The following PSME3IP1 variants were observed in gnomAD, a reference collection of about 807,000 sequenced individuals.
The protein encoded by PSME3IP1 is PSME3-interacting protein.
In PSME3IP1, 13 loss-of-function variants were observed where a neutral mutation model predicts 34.1. The observed-to-expected ratio is 0.38, with a 90% confidence interval of 0.25 to 0.61. The LOEUF (loss-of-function observed/expected upper bound fraction) is 0.61. PSME3IP1 is among the 20% of genes least tolerant of loss of function. The pLI, the probability that PSME3IP1 is intolerant of heterozygous loss-of-function variation, is 0.60. For missense variants in PSME3IP1, 237 were observed against 301.4 expected (o/e 0.79, Z 1.58); for synonymous variants, 93 against 114.3 (o/e 0.81, Z 1.19).
At chr16:57,163,255 T>A (rs866575264) in intron 6 of PSME3IP1, among the ~76,000 whole-genome samples, 1 of 151,994 alleles carries the variant, frequency 6.6e-6, no homozygotes, top group African/African-American at 2.4e-5. Flanking sequence ...CCTTTTTTTT[T>A]CCCCCAGACT....
At chr16:57,175,248 C>T (rs1410093125) in intron 1 of PSME3IP1, among the ~76,000 whole-genome samples, 1 of 152,120 alleles carries the variant, frequency 6.6e-6, no homozygotes, top group Non-Finnish European at 1.5e-5. Context: ...CTCCTGAACT[C>T]GTGATCTGCC....
chr16:57,155,049 G>A (rs554662228), intron 6 of PSME3IP1, among the ~76,000 whole-genome samples: 18 of 152,124 alleles, frequency 1.2e-4, no homozygotes, highest in Non-Finnish European at 2.1e-4. Flanking sequence ...TTAAAAAATC[G>A]GGTAGCCCCC....
Position 57,173,726 on chromosome 16 carries a change from A to G in PSME3IP1, c.127+2T>C. On this transcript the variant is annotated splice_donor_variant, in intron 2 of 6. Coordinates refer to ENST00000309137, the MANE Select transcript of PSME3IP1 (RefSeq NM_024946.4). LOFTEE classifies it high-confidence loss of function. ...ACCATTATACTGACTGTCACAGTAT[A>G]CCTTCTGGATCTTCAGGTTTTCGAA... 1 of 1,613,718 alleles carries G rather than the reference A, an allele frequency of 6.2e-7. No homozygotes were observed. The highest frequency in any genetic ancestry group is 8.5e-7 in the Non-Finnish European group (1 of 1,179,980).
chr16:57,155,345 G>A (rs1189939631), intron 6 of PSME3IP1, among the ~76,000 whole-genome samples: 1 of 152,222 alleles, frequency 6.6e-6, no homozygotes, highest in Non-Finnish European at 1.5e-5. Flanking sequence ...GGGCTTGGCT[G>A]GGCATGGTGG....
intron 1 of PSME3IP1, chr16:57,181,897 T>G (rs1308900752): frequency 6.6e-6 from 1 of 152,290 alleles, no homozygotes; most frequent in African/African-American, 2.4e-5. Flanking sequence ...GAACCTCTCA[T>G]GTCCACCTAT....
At chr16:57,162,177 T>C (rs1384181480) in intron 6 of PSME3IP1, among the ~76,000 whole-genome samples, 1 of 152,180 alleles carries the variant, frequency 6.6e-6, no homozygotes, top group African/African-American at 2.4e-5. Context: ...GTTGGGATTA[T>C]AGGCATGAGC....
intron 3 of PSME3IP1, 152 bp from the exon 4 acceptor site, chr16:57,172,524 T>TAA: frequency 2.3e-6 from 2 of 867,140 alleles, no homozygotes; most frequent in Non-Finnish European, 3.4e-6. Flanking sequence ...TAACAGGGCA[T>TAA]AAAAAAAAAC....
rs964585496 is a variant in PSME3IP1, at chr16:57,153,050, G to A, written c.*1240C>T. 4.5e-4 allele frequency: 69 copies of A among 152,672 alleles called. No individual in the cohort carries two copies. Among genetic ancestry groups the A allele is most frequent in the African/African-American group, 1.5e-3 (63 of 41,462 alleles). The allele number at this position is 152,672 out of a possible 1,614,324, so 9.5% of individuals were successfully genotyped here. ...TAAAAACAATTGATGTAGGAATAAG[G>A]GGAATGGATAAAGAATGGTACATGC... On this transcript the variant is annotated 3_prime_UTR_variant, in exon 7 of 7. Transcript: ENST00000309137.
At chr16:57,178,001 A>C (rs1357337079) in intron 1 of PSME3IP1, among the ~76,000 whole-genome samples, 2 of 152,216 alleles carry the variant, frequency 1.3e-5, no homozygotes, top group Admixed American at 1.3e-4. Flanking sequence ...TAAATAAATT[A>C]ATTAATTAGT....
Position 57,153,118 on chromosome 16 carries a change from ATG to A in PSME3IP1, c.*1170_*1171del, listed in dbSNP as rs1405142645. 6.5e-6 allele frequency: 1 copy of A among 152,672 alleles called. No homozygotes were observed. The highest frequency in any genetic ancestry group is 2.4e-5 in the African/African-American group (1 of 41,458). 9.5% of individuals were successfully genotyped at this position (152,672 alleles called of 1,614,324 possible). A position where few individuals can be genotyped will look rare whatever the true frequency, so the allele number is the denominator to read the frequency against. ...AGCCTACAGATTGTTGTCAAAGCTCATGTCTATCTCTGTCCTCGAGGCCTCCA... is the reference window on the plus strand; with the variant it reads ...AGCCTACAGATTGTTGTCAAAGCTCATCTATCTCTGTCCTCGAGGCCTCCA... On this transcript the variant is annotated 3_prime_UTR_variant, in exon 7 of 7. Coordinates refer to ENST00000309137, the MANE Select transcript of PSME3IP1 (RefSeq NM_024946.4).
chr16:57,185,646 G>T, intron 1 of PSME3IP1, 175 bp downstream of exon 1: 1 of 985,540 alleles, frequency 1.0e-6, no homozygotes, highest in Non-Finnish European at 1.2e-6. Flanking sequence ...GGCACCCTCA[G>T]CTCCCCTCAG....
intron 6 of PSME3IP1, 56 bp downstream of exon 6, chr16:57,163,945 T>C (rs2071560874): frequency 1.1e-5 from 16 of 1,516,684 alleles, no homozygotes; most frequent in Non-Finnish European, 1.3e-5. Context: ...TTACAGCCCT[T>C]TACTGTGGTT....
rs759264333 is a variant in PSME3IP1, at chr16:57,173,873, CAAAACA to C, written c.-15-10_-15-5del. On this transcript the variant is annotated splice_region_variant and splice_polypyrimidine_tract_variant and intron_variant, in intron 1 of 6. Coordinates refer to ENST00000309137, the MANE Select transcript of PSME3IP1 (RefSeq NM_024946.4). ...CATCCATAATGAAACAACCAATCTA[CAAAACA>C]AAAACAAAAACAAAAAAAATCATTT... 390 of 1,596,780 alleles carry C rather than the reference CAAAACA, an allele frequency of 2.4e-4. 1 individual carries two copies. Among genetic ancestry groups the C allele is most frequent in the Non-Finnish European group, 3.0e-4 (351 of 1,173,398 alleles).
At chr16:57,180,150 C>G (rs1367413639) in intron 1 of PSME3IP1, among the ~76,000 whole-genome samples, 1 of 152,142 alleles carries the variant, frequency 6.6e-6, no homozygotes, top group Admixed American at 6.6e-5. Context: ...AATCTAAAAA[C>G]TAAACCACAG....
chr16:57,174,673 A>G (rs2073007349), intron 1 of PSME3IP1: 6 of 985,352 alleles, frequency 6.1e-6, no homozygotes, highest in Non-Finnish European at 7.2e-6. Context: ...TTGAAGACTT[A>G]GTGTTCAAGT....
chr16:57,159,072 T>C (rs149681387), intron 6 of PSME3IP1, among the ~76,000 whole-genome samples: 8 of 152,346 alleles, frequency 5.3e-5, no homozygotes, highest in Non-Finnish European at 1.0e-4. Context: ...AATTTAAAGT[T>C]CTATTTTACA....
intron 1 of PSME3IP1, among the ~76,000 whole-genome samples, chr16:57,175,072 T>C (rs2073052262): frequency 6.6e-6 from 1 of 151,340 alleles, no homozygotes; most frequent in African/African-American, 2.4e-5. Flanking sequence ...TGGAGTCCAG[T>C]GGTGCAATCT....
chr16:57,172,080 A>C lies in PSME3IP1; in HGVS notation c.348+171T>G, dbSNP rs3764260. Reference sequence around the variant, plus strand: ...CTATAACACTCTTGCACACAACACAAACTCCACAAACCACTACCAGCTTTT... The same window carrying C: ...CTATAACACTCTTGCACACAACACACACTCCACAAACCACTACCAGCTTTT... On this transcript the variant is annotated intron_variant, in intron 4 of 6. Transcript: ENST00000309137. 1.3e-5 allele frequency among the ~76,000 whole-genome samples: 2 copies of C among 152,286 alleles called. No homozygotes were observed. Among genetic ancestry groups the C allele is most frequent in the East Asian group, 3.9e-4 (2 of 5,188 alleles).
intron 6 of PSME3IP1, among the ~76,000 whole-genome samples, chr16:57,160,636 A>G (rs1412075047): frequency 2.0e-5 from 3 of 152,242 alleles, no homozygotes; most frequent in Non-Finnish European, 4.4e-5. Context: ...CTAAGTGTTC[A>G]TCAATTAAAA....
Sources: gnomAD v4.1 joint callset for allele counts (sites outside exome capture counted in the v4.1 genomes callset) on GRCh38, gnomAD v4.1.1 for gene constraint, MANE v1.5 for transcripts, NCBI Gene and HGNC (gene_info 2026-07-23, HGNC 2026-07-21) for gene names.